Variants in SORCS3 observed in about 807,000 individuals in gnomAD.
SORCS3 encodes the protein VPS10 domain-containing receptor SorCS3.
Under a neutral mutation model 146.3 loss-of-function variants are expected in SORCS3, and 57 were observed. The observed-to-expected ratio is 0.39, with a 90% CI of 0.31 to 0.49. SORCS3 has a LOEUF of 0.49. SORCS3 is among the 20% of genes least tolerant of loss of function. The pLI is 0.92. For missense variants in SORCS3, 1,341 were observed against 1,575.5 expected (o/e 0.85, Z 2.52); for synonymous variants, 653 against 618.5 (o/e 1.06, Z -0.83).
At chr10:104,859,348 G>GA (rs988586269) in intron 2 of SORCS3, among the ~76,000 whole-genome samples, 24 of 152,074 alleles carry the variant, frequency 1.6e-4, no homozygotes. Context: ...ATGGTGCTGG[G>GA]AAAATTGGCT....
chr10:104,856,543 T>C (rs2018334693), intron 2 of SORCS3, among the ~76,000 whole-genome samples: 1 of 146,970 alleles, frequency 6.8e-6, no homozygotes, highest in Non-Finnish European at 1.5e-5. Context: ...TATATAAATA[T>C]ATACATAGAA....
rs371376429 is a variant in SORCS3, at chr10:104,644,912, G to T, written c.627+2958G>T. On this transcript the variant is annotated intron_variant, in intron 1 of 26. Transcript: ENST00000369701. ...GTTTACAGTCAGGGATGCAGGGTGG[G>T]ACATGAAGGAGAAGGGCCTTCAGCC... Among the ~76,000 whole-genome samples, 20 of 152,314 alleles carry T rather than the reference G, an allele frequency of 1.3e-4. No individual in the cohort carries two copies. The South Asian group carries it at 3.9e-3, about 30-fold the overall frequency.
intron 1 of SORCS3, among the ~76,000 whole-genome samples, chr10:104,756,434 C>A (rs1021635787): frequency 2.6e-5 from 4 of 152,220 alleles, no homozygotes; most frequent in Non-Finnish European, 2.9e-5. Flanking sequence ...ACTGGATGAT[C>A]TCTAAGGATC....
At chr10:105,207,306 C>A (rs1205032076) in intron 16 of SORCS3, among the ~76,000 whole-genome samples, 1 of 92,054 alleles carries the variant, frequency 1.1e-5, no homozygotes, top group East Asian at 2.9e-4. Flanking sequence ...ATTATTATTT[C>A]TAAACTGTCC....
chr10:104,827,332 TA>T (rs59433362), intron 1 of SORCS3, among the ~76,000 whole-genome samples: 14,973 of 152,272 alleles, frequency 0.098, 917 homozygotes, highest in South Asian at 0.24. Flanking sequence ...GAAGTGAAAT[TA>T]CTCCTTGACT....
At chr10:105,143,340 G>A (rs1339176140) in intron 8 of SORCS3, among the ~76,000 whole-genome samples, 5 of 151,842 alleles carry the variant, frequency 3.3e-5, no homozygotes, top group African/African-American at 4.8e-5. Flanking sequence ...TGGCTCCTAG[G>A]TGACTTCATC....
At chr10:105,112,013 AT>A (rs1283288928) in intron 7 of SORCS3, among the ~76,000 whole-genome samples, 2 of 152,058 alleles carry the variant, frequency 1.3e-5, no homozygotes, top group Admixed American at 6.6e-5. Context: ...TGAACTGAAC[AT>A]TTTCTGTTTT....
At chr10:105,237,458 T>A (rs2056799258) in intron 20 of SORCS3, among the ~76,000 whole-genome samples, 1 of 152,192 alleles carries the variant, frequency 6.6e-6, no homozygotes, top group African/African-American at 2.4e-5. Context: ...CATTTGTATT[T>A]AGGCTAAAAA....
Position 105,234,023 on chromosome 10 carries a change from T to C in SORCS3, c.2868+10774T>C, listed in dbSNP as rs868251843. 2.6e-5 allele frequency among the ~76,000 whole-genome samples: 4 copies of C among 152,298 alleles called. No homozygotes were observed. In the Middle Eastern group the frequency reaches 0.014, roughly 518 times the overall value. On this transcript the variant is annotated intron_variant, in intron 20 of 26. Transcript: ENST00000369701. Reference sequence around the variant, plus strand: ...GTTCAAGTTTCTGACCTATATTTCCTTCTGTCTGAAGAAACTTTAATGATT... The same window carrying C: ...GTTCAAGTTTCTGACCTATATTTCCCTCTGTCTGAAGAAACTTTAATGATT...
chr10:104,688,611 T>A (rs1033231013), intron 1 of SORCS3, among the ~76,000 whole-genome samples: 2 of 152,180 alleles, frequency 1.3e-5, no homozygotes, highest in Non-Finnish European at 2.9e-5. Context: ...CAACTCCAGT[T>A]TTCTCCCTTT....
chr10:104,739,060 T>A (rs1207557462), intron 1 of SORCS3, among the ~76,000 whole-genome samples: 1 of 152,170 alleles, frequency 6.6e-6, no homozygotes, highest in Non-Finnish European at 1.5e-5. Context: ...AGGAAGCCAT[T>A]GGCTATGGCT....
At chr10:105,023,495 A>G (rs1294731581) in intron 4 of SORCS3, among the ~76,000 whole-genome samples, 1 of 152,134 alleles carries the variant, frequency 6.6e-6, no homozygotes, top group Admixed American at 6.6e-5. Flanking sequence ...TGGTCTTCCC[A>G]TCTTTGGCAC....
In SORCS3 at chr10:105,022,832, GTTAAAACAGGACTTGAGTT is replaced by G. The variant is rs1422962321; in HGVS notation, c.955-20194_955-20176del. On this transcript the variant is annotated intron_variant, in intron 4 of 26. Coordinates refer to ENST00000369701, the MANE Select transcript of SORCS3 (RefSeq NM_014978.3). ...CATGGAGTTTTAAAACAGGACTTGA[GTTAAAACAGGACTTGAGTT>G]TTAAAACAGGACTTGAGTTTTAAAA... 2.4e-4 allele frequency among the ~76,000 whole-genome samples: 37 copies of G among 152,182 alleles called. No homozygotes were observed. The East Asian group carries it at 5.4e-3, about 22-fold the overall frequency.
intron 5 of SORCS3, among the ~76,000 whole-genome samples, chr10:105,072,492 C>T (rs1011409706): frequency 6.6e-6 from 1 of 152,034 alleles, no homozygotes; most frequent in Non-Finnish European, 1.5e-5. Context: ...CTGATGGATA[C>T]AAGCATGAGC....
intron 1 of SORCS3, among the ~76,000 whole-genome samples, chr10:104,756,762 C>A (rs2017057813): frequency 6.6e-6 from 1 of 152,210 alleles, no homozygotes; most frequent in Non-Finnish European, 1.5e-5. Context: ...CAAGACAGCT[C>A]CCTTGTGAGC....
intron 3 of SORCS3, among the ~76,000 whole-genome samples, chr10:104,963,899 AG>A (rs2054811711): frequency 6.6e-6 from 1 of 152,176 alleles, no homozygotes; most frequent in Non-Finnish European, 1.5e-5. Context: ...AAATCTTTTA[AG>A]GGGTCACCTC....
intron 3 of SORCS3, among the ~76,000 whole-genome samples, chr10:104,954,861 T>C (rs1002472254): frequency 6.6e-5 from 10 of 152,168 alleles, no homozygotes; most frequent in African/African-American, 2.4e-4. Context: ...AGTTTTGTAC[T>C]TACTGCTATT....
At chr10:105,223,062 C>T (rs936369376) in intron 19 of SORCS3, 54 bp from the exon 20 acceptor site, 6 of 1,525,990 alleles carry the variant, frequency 3.9e-6, no homozygotes, top group Non-Finnish European at 5.3e-6. Context: ...GGGTGTGATA[C>T]AGTTTGACCA....
At chr10:104,870,026 G>A (rs970958539) in intron 2 of SORCS3, among the ~76,000 whole-genome samples, 1 of 152,138 alleles carries the variant, frequency 6.6e-6, no homozygotes, top group African/African-American at 2.4e-5. Context: ...GAAAGTTGTT[G>A]GAATAATGCA....
Sources: gnomAD v4.1 joint callset for allele counts (sites outside exome capture counted in the v4.1 genomes callset) on GRCh38, gnomAD v4.1.1 for gene constraint, MANE v1.5 for transcripts, NCBI Gene and HGNC (gene_info 2026-07-23, HGNC 2026-07-21) for gene names.